Variants in PRKCA observed in about 807,000 individuals in gnomAD.
The protein encoded by PRKCA is protein kinase C alpha type.
A neutral mutation model predicts 87.0 loss-of-function variants in PRKCA; 27 were observed. That is an observed-to-expected ratio of 0.31 (90% CI 0.23 to 0.43). PRKCA has a LOEUF of 0.43. PRKCA is among the 20% of genes least tolerant of loss of function. PRKCA has a pLI of 1.00. For synonymous variants in PRKCA, 329 were observed against 311.1 expected (o/e 1.06, Z -0.61); for missense variants, 518 against 852.3 (o/e 0.61, Z 4.88).
At chr17:66,737,696 C>T (rs1302883698) in intron 10 of PRKCA, among the ~76,000 whole-genome samples, 3 of 152,202 alleles carry the variant, frequency 2.0e-5, no homozygotes, top group Non-Finnish European at 2.9e-5. Flanking sequence ...GCTGGCGGCA[C>T]GTTGAGCTTC....
At chr17:66,633,241 T>A (rs143047040) in intron 3 of PRKCA, among the ~76,000 whole-genome samples, 5 of 152,130 alleles carry the variant, frequency 3.3e-5, no homozygotes, top group Admixed American at 6.6e-5. Flanking sequence ...ATCATATGAC[T>A]TGGTTTTGGT....
At chr17:66,741,378 T>C (rs1568007269) in intron 11 of PRKCA, among the ~76,000 whole-genome samples, 1 of 152,228 alleles carries the variant, frequency 6.6e-6, no homozygotes, top group Non-Finnish European at 1.5e-5. Flanking sequence ...TTTAAATGAT[T>C]GTATGAGAAA....
At chr17:66,544,279 A>C (rs1430048069) in intron 3 of PRKCA, among the ~76,000 whole-genome samples, 1 of 152,130 alleles carries the variant, frequency 6.6e-6, no homozygotes, top group Non-Finnish European at 1.5e-5. Flanking sequence ...GAAGACCCCC[A>C]TGTAGTTCAT....
At chr17:66,451,096 C>T (rs1257864584) in intron 2 of PRKCA, among the ~76,000 whole-genome samples, 4 of 152,118 alleles carry the variant, frequency 2.6e-5, no homozygotes, top group Non-Finnish European at 5.9e-5. Flanking sequence ...GATCTCTGTT[C>T]TCTCTTTGAC....
intron 5 of PRKCA, among the ~76,000 whole-genome samples, chr17:66,646,394 G>A (rs890166010): frequency 6.6e-6 from 1 of 152,086 alleles, no homozygotes; most frequent in African/African-American, 2.4e-5. Flanking sequence ...TTGAGTTCTC[G>A]GTACCATGAC....
At chr17:66,379,534 C>G (rs1428816406) in intron 2 of PRKCA, among the ~76,000 whole-genome samples, 1 of 152,158 alleles carries the variant, frequency 6.6e-6, no homozygotes, top group Non-Finnish European at 1.5e-5. Context: ...ATAATTTTCT[C>G]CTATTCTGTG....
intron 14 of PRKCA, chr17:66,774,846 G>A (rs1031197392): frequency 1.1e-4 from 107 of 985,350 alleles, no homozygotes; most frequent in Non-Finnish European, 1.2e-4. Flanking sequence ...TTGGCAATTC[G>A]TTGTAATTTT....
intron 5 of PRKCA, among the ~76,000 whole-genome samples, chr17:66,670,238 G>T (rs968579927): frequency 1.3e-5 from 2 of 152,198 alleles, no homozygotes; most frequent in Non-Finnish European, 2.9e-5. Flanking sequence ...TAAAAGTTCA[G>T]GGATGGGAAG....
At chr17:66,550,681 A>T (rs1194580012) in intron 3 of PRKCA, among the ~76,000 whole-genome samples, 4 of 152,026 alleles carry the variant, frequency 2.6e-5, no homozygotes, top group Admixed American at 1.3e-4. Context: ...AGGCTCTGGG[A>T]ATAGAAATGG....
chr17:66,590,782 G>A (rs1435879345), intron 3 of PRKCA, among the ~76,000 whole-genome samples: 3 of 152,036 alleles, frequency 2.0e-5, no homozygotes, highest in African/African-American at 4.8e-5. Flanking sequence ...CCCGGGAGGC[G>A]GAGATTGCAG....
intron 3 of PRKCA, among the ~76,000 whole-genome samples, chr17:66,531,699 G>C (rs955435607): frequency 6.6e-6 from 1 of 152,152 alleles, no homozygotes; most frequent in African/African-American, 2.4e-5. Context: ...GGTTAAATAA[G>C]CCTCTCTCAC....
chr17:66,458,895 A>G (rs1162198442), intron 2 of PRKCA, among the ~76,000 whole-genome samples: 2 of 152,206 alleles, frequency 1.3e-5, no homozygotes, highest in African/African-American at 4.8e-5. Context: ...GGAGAGAAGT[A>G]ACATTTGTTA....
At chr17:66,356,267 G>T (rs980240917) in intron 2 of PRKCA, among the ~76,000 whole-genome samples, 1 of 152,012 alleles carries the variant, frequency 6.6e-6, no homozygotes, top group African/African-American at 2.4e-5. Context: ...GATGATAGAA[G>T]ACTTTTTTCT....
At chr17:66,328,961 G>A (rs1598594574) in intron 2 of PRKCA, among the ~76,000 whole-genome samples, 1 of 152,292 alleles carries the variant, frequency 6.6e-6, no homozygotes, top group East Asian at 1.9e-4. Flanking sequence ...AAGAACCATG[G>A]CAGTCTTTCA....
intron 2 of PRKCA, among the ~76,000 whole-genome samples, chr17:66,473,171 C>T (rs61297749): frequency 0.039 from 5,972 of 152,168 alleles, 369 homozygotes; most frequent in African/African-American, 0.14. Context: ...GCTGCCTCCC[C>T]CGGTAGCTCA....
chr17:66,670,124 G>A (rs560951820), intron 5 of PRKCA, among the ~76,000 whole-genome samples: 6 of 152,262 alleles, frequency 3.9e-5, no homozygotes, highest in Admixed American at 2.6e-4. Context: ...GTTGCCAGTC[G>A]TGGCATATTC....
intron 8 of PRKCA, among the ~76,000 whole-genome samples, chr17:66,712,965 CAG>C (rs1262909705): frequency 5.3e-5 from 8 of 151,772 alleles, no homozygotes; most frequent in African/African-American, 1.9e-4. Context: ...TTATGAATTA[CAG>C]AGTTTTCCCT....
At position 66,302,992 on chromosome 17, in the gene PRKCA, C is replaced by A. The variant is rs878973034; in HGVS notation, c.141C>A (p.Pro47=). 3 of 1,611,452 alleles carry A rather than the reference C, an allele frequency of 1.9e-6. No homozygotes were observed. The African/African-American group carries it at 4.0e-5, about 22-fold the overall frequency. ...HKFIARFFKQ[P]TFCSHCTDFI... ...TCATCGCGCGCTTCTTCAAGCAGCC[C>A]ACCTTCTGCAGCCACTGCACCGACT... Residue 47 remains proline, a synonymous_variant, in exon 1 of 17, where the codon CCC becomes CCA. Transcript: ENST00000413366.
chr17:66,553,877 T>C (rs895789055), intron 3 of PRKCA, among the ~76,000 whole-genome samples: 2 of 152,074 alleles, frequency 1.3e-5, no homozygotes, highest in African/African-American at 4.8e-5. Flanking sequence ...GGAGATGAAG[T>C]GTGTGGCCGG....
Sources: allele counts gnomAD v4.1 joint callset (sites outside exome capture counted in the v4.1 genomes callset), GRCh38; gene constraint gnomAD v4.1.1; transcripts MANE v1.5; gene names NCBI Gene and HGNC (gene_info 2026-07-23, HGNC 2026-07-21).